ZNF475: variants seen among roughly 807,000 people sequenced by gnomAD.
ZNF475 encodes zinc finger protein 475.
chr5:122,176,251 T>C, the ZNF475 span, among the ~76,000 whole-genome samples: 1 of 152,224 alleles, frequency 6.6e-6, no homozygotes, highest in Non-Finnish European at 1.5e-5. Context: ...TTTTTCTCCA[T>C]ATATTCTTTA....
At chr5:122,179,683 A>C in the ZNF475 span, 1 of 1,533,350 alleles carries the variant, frequency 6.5e-7, no homozygotes, top group Non-Finnish European at 8.7e-7. Context: ...TTGCCTAAAG[A>C]GTTAAGGAGA....
the ZNF475 span, among the ~76,000 whole-genome samples, chr5:122,181,292 A>G: frequency 2.0e-5 from 3 of 152,290 alleles, no homozygotes; most frequent in East Asian, 5.8e-4. Context: ...TCAAGGCCCT[A>G]TGCAAAAACA....
the ZNF475 span, among the ~76,000 whole-genome samples, chr5:122,171,265 T>C: frequency 6.6e-6 from 1 of 152,196 alleles, no homozygotes; most frequent in South Asian, 2.1e-4. Flanking sequence ...AGCTGATTTT[T>C]TTATTACTTT....
At chr5:122,168,004 T>G in the ZNF475 span, among the ~76,000 whole-genome samples, 1 of 152,208 alleles carries the variant, frequency 6.6e-6, no homozygotes, top group African/African-American at 2.4e-5. Context: ...TCAACTTTCT[T>G]GCTCTATTTA....
chr5:122,160,248 G>A, the ZNF475 span: 1 of 1,289,790 alleles, frequency 7.8e-7, no homozygotes, highest in Non-Finnish European at 1.0e-6. Context: ...CACATCGACA[G>A]ACCACAACAC....
At chr5:122,174,248 C>A in the ZNF475 span, among the ~76,000 whole-genome samples, 4 of 152,330 alleles carry the variant, frequency 2.6e-5, no homozygotes, top group African/African-American at 9.6e-5. Flanking sequence ...AATAGGAAAA[C>A]CTTGGACTGG....
At chr5:122,170,292 C>G in the ZNF475 span, among the ~76,000 whole-genome samples, 4 of 152,156 alleles carry the variant, frequency 2.6e-5, no homozygotes, top group African/African-American at 4.8e-5. Flanking sequence ...AGGGCTCAGT[C>G]TCACAAGACT....
the ZNF475 span, among the ~76,000 whole-genome samples, chr5:122,167,923 G>C: frequency 6.6e-6 from 1 of 152,202 alleles, no homozygotes; most frequent in African/African-American, 2.4e-5. Flanking sequence ...ATGATTCTGA[G>C]TTTCATCCAC....
At chr5:122,170,540 G>A in the ZNF475 span, among the ~76,000 whole-genome samples, 10 of 152,182 alleles carry the variant, frequency 6.6e-5, no homozygotes, top group African/African-American at 1.9e-4. Flanking sequence ...CGGGGTTAGG[G>A]GTGGTGTGGA....
chr5:122,176,567 C>T, the ZNF475 span, among the ~76,000 whole-genome samples: 1 of 152,234 alleles, frequency 6.6e-6, no homozygotes, highest in East Asian at 1.9e-4. Flanking sequence ...CTGTCAATGC[C>T]CCTTCCTCTC....
chr5:122,175,561 A>G, the ZNF475 span, among the ~76,000 whole-genome samples: 223 of 152,332 alleles, frequency 1.5e-3, no homozygotes, highest in African/African-American at 4.5e-3. Flanking sequence ...TAATCCCAGC[A>G]TCTTTCACTA....
chr5:122,177,827 T>C, the ZNF475 span, among the ~76,000 whole-genome samples: 2 of 152,302 alleles, frequency 1.3e-5, no homozygotes, highest in South Asian at 4.1e-4. Flanking sequence ...ACACGTGCTA[T>C]TGTGGTTTGC....
the ZNF475 span, among the ~76,000 whole-genome samples, chr5:122,160,684 C>T: frequency 3.6e-3 from 551 of 152,222 alleles, 4 homozygotes; most frequent in African/African-American, 0.013. Context: ...GAGAGAATCA[C>T]ATATTATAAA....
the ZNF475 span, among the ~76,000 whole-genome samples, chr5:122,166,683 G>A: frequency 9.9e-5 from 15 of 152,208 alleles, no homozygotes; most frequent in South Asian, 1.5e-3. Flanking sequence ...CTTTTTTATG[G>A]CTGCACAGTA....
the ZNF475 span, among the ~76,000 whole-genome samples, chr5:122,176,867 T>C: frequency 6.6e-6 from 1 of 152,338 alleles, no homozygotes; most frequent in Non-Finnish European, 1.5e-5. Flanking sequence ...GCTATTCAAT[T>C]TGTTCTCATT....
At chr5:122,179,809 T>C in the ZNF475 span, 7 of 1,116,314 alleles carry the variant, frequency 6.3e-6, no homozygotes. Context: ...AGTATTCTTT[T>C]TTCACTTGTT....
At chr5:122,171,468 G>A in the ZNF475 span, among the ~76,000 whole-genome samples, 1 of 152,074 alleles carries the variant, frequency 6.6e-6, no homozygotes, top group Non-Finnish European at 1.5e-5. Context: ...TAAATTACTT[G>A]CATTTGACAA....
chr5:122,173,098 A>C, the ZNF475 span, among the ~76,000 whole-genome samples: 4 of 152,214 alleles, frequency 2.6e-5, no homozygotes, highest in African/African-American at 9.6e-5. Flanking sequence ...GCTAGTAATG[A>C]CTTCCATTTT....
chr5:122,165,746 G>T, the ZNF475 span, among the ~76,000 whole-genome samples: 1 of 145,828 alleles, frequency 6.9e-6, no homozygotes, highest in South Asian at 2.2e-4. Flanking sequence ...TTTGATGTAC[G>T]GATGATGCAA....
Sources: gnomAD v4.1 joint callset for allele counts (sites outside exome capture counted in the v4.1 genomes callset) on GRCh38, gnomAD v4.1.1 for gene constraint, MANE v1.5 for transcripts, NCBI Gene and HGNC (gene_info 2026-07-23, HGNC 2026-07-21) for gene names.